EQTN: variants seen among roughly 807,000 people sequenced by gnomAD.
EQTN encodes the protein equatorin, also known as Acrosome formation associated factor.
A neutral mutation model predicts 26.9 loss-of-function variants in EQTN; 29 were observed. The ratio of observed to expected loss-of-function variants is 1.08; its 90% CI spans 0.80 to 1.47. The LOEUF (loss-of-function observed/expected upper bound fraction) is 1.47, where lower values mean the gene tolerates loss of function less well. Among genes scored for constraint, EQTN ranks in the 40% most tolerant of loss-of-function variants. The probability of loss-of-function intolerance (pLI) is 0.00; values close to 1 mark genes in which losing one functional copy is unlikely to be tolerated. For missense variants in EQTN, 391 were observed against 346.1 expected (o/e 1.13, Z -1.03); for synonymous variants, 129 against 120.0 (o/e 1.07, Z -0.49).
chr9:27,296,557 T>C, intron 2 of EQTN, 56 bp downstream of exon 2: 1 of 1,252,192 alleles, frequency 8.0e-7, no homozygotes, highest in South Asian at 1.5e-5. Flanking sequence ...GACACTTAAG[T>C]GAAACCAGGA....
At chr9:27,285,953 A>G (rs1183184604) in intron 7 of EQTN, among the ~76,000 whole-genome samples, 2 of 152,236 alleles carry the variant, frequency 1.3e-5, no homozygotes, top group Non-Finnish European at 2.9e-5. Flanking sequence ...AAAAAAGAGC[A>G]TATCTAGATT....
At chr9:27,292,796 T>C (rs1820264360) in intron 3 of EQTN, among the ~76,000 whole-genome samples, 1 of 152,180 alleles carries the variant, frequency 6.6e-6, no homozygotes, top group Non-Finnish European at 1.5e-5. Flanking sequence ...GAGAAGATAA[T>C]TGGCTCCAGA....
Position 27,289,080 on chromosome 9 carries a change from G to A in EQTN, c.481+592C>T, listed in dbSNP as rs137909832. Among the ~76,000 whole-genome samples, 996 of 152,268 alleles carry A rather than the reference G, an allele frequency of 6.5e-3. 11 individuals are homozygous for A. Among genetic ancestry groups the A allele is most frequent in the African/African-American group, 0.023 (966 of 41,552 alleles). On this transcript the variant is annotated intron_variant, in intron 6 of 7. Coordinates refer to ENST00000380032, the MANE Select transcript of EQTN (RefSeq NM_020641.3). ...AAGGTACCACATCATGCAAGACATA[G>A]GGGAAACTGAGGAGGGTGAAATATG... is the stretch of plus-strand genomic sequence containing the variant.
At chr9:27,289,628 G>C (rs893823672) in intron 6 of EQTN, 44 bp downstream of exon 6, 6 of 1,522,796 alleles carry the variant, frequency 3.9e-6, no homozygotes, top group African/African-American at 1.4e-5. Context: ...GGGATTATAG[G>C]CATTAGCCAC....
At position 27,289,843 on chromosome 9, in the gene EQTN, C is replaced by T. The variant is rs981327242; in HGVS notation, c.422-112G>A. ...ACCCAGTGTGTGTACAGTCTGTTCT[C>T]ATTATTCGTGGCAGTTATATTCTAT... On this transcript the variant is annotated intron_variant, in intron 5 of 7. Coordinates refer to ENST00000380032, the MANE Select transcript of EQTN (RefSeq NM_020641.3). 4.3e-6 allele frequency: 3 copies of T among 692,056 alleles called. No homozygotes were observed. The African/African-American group carries it at 5.5e-5, about 13-fold the overall frequency. The allele number at this position is 692,056 out of a possible 1,614,324, so 42.9% of individuals were successfully genotyped here. A position where few individuals can be genotyped will look rare whatever the true frequency, so the allele number is the denominator to read the frequency against.
intron 1 of EQTN, 33 bp from the exon 2 acceptor site, chr9:27,296,771 A>C (rs373771012): frequency 1.6e-4 from 253 of 1,587,268 alleles, no homozygotes; most frequent in Non-Finnish European, 2.0e-4. Context: ...ATAGATCAGA[A>C]ATATGTTGAT....
intron 4 of EQTN, 51 bp downstream of exon 4, chr9:27,292,350 G>T: frequency 7.9e-7 from 1 of 1,263,240 alleles, no homozygotes; most frequent in Non-Finnish European, 1.1e-6. Flanking sequence ...AAATTTTTAA[G>T]TCACATAATG....
chr9:27,293,034 G>A (rs1820268922), intron 3 of EQTN, among the ~76,000 whole-genome samples: 1 of 152,148 alleles, frequency 6.6e-6, no homozygotes. Context: ...CTAAGGGAGT[G>A]TTTGGTAACA....
rs1292762952 is a variant in EQTN, at chr9:27,285,246, C to T, written c.636-274G>A. 5.6e-5 allele frequency among the ~76,000 whole-genome samples: 8 copies of T among 143,230 alleles called. No homozygotes were observed. The East Asian group carries it at 6.5e-4, about 12-fold the overall frequency. The allele number at this position is 143,230 out of a possible 152,430, so 94.0% of individuals were successfully genotyped here. On this transcript the variant is annotated intron_variant, in intron 7 of 7. Transcript: ENST00000380032. The stretch of plus-strand genomic sequence containing the variant: ...GCAACCTCCGCCTCCCAGGGGCACG[C>T]GATTCTCCTGCCTCAGCCTCCCGAG...
In EQTN at chr9:27,284,902, C is replaced by T. The variant is rs367764918; in HGVS notation, c.706G>A (p.Glu236Lys). ...GAAAAGGATGTATCTGAAACACCTT[C>T]TGATGGATGAAAGTAAGACATCGTG... is the stretch of plus-strand genomic sequence containing the variant. ...LATMSYFHPSEGVSDTSFSKS... is the reference protein window; with the variant it reads ...LATMSYFHPSKGVSDTSFSKS... The change falls in exon 8 of 8, where the codon GAA becomes AAA. Residue 236 changes from glutamate to lysine, a missense_variant. Transcript: ENST00000380032. The T allele has an allele frequency of 3.1e-6, 5 of 1,614,026 alleles. No individual in the cohort carries two copies. The highest frequency in any genetic ancestry group is 4.2e-6 in the Non-Finnish European group (5 of 1,180,016).
rs1318428232 is a variant in EQTN, at chr9:27,294,352, TCA to T, written c.251_252del (p.Val84GlufsTer5). The T allele has an allele frequency of 6.2e-7, 1 of 1,611,576 alleles. No homozygotes were observed. Among genetic ancestry groups the T allele is most frequent in the Non-Finnish European group, 8.5e-7 (1 of 1,178,400 alleles). ...NPNGTESEISVRATTDLNFAL... is the reference protein window; with the variant it reads ...NPNGTESEISXRATTDLNFAL... ...GCAAAATTCAGGTCAGTTGTGGCTC[TCA>T]CAGATATTTCAGACTCAGTGCCATT... On this transcript the variant is annotated frameshift_variant, in exon 3 of 8. Transcript: ENST00000380032. LOFTEE classifies it high-confidence loss of function.
At chr9:27,289,785 G>T in intron 5 of EQTN, 54 bp from the exon 6 acceptor site, 1 of 1,424,960 alleles carries the variant, frequency 7.0e-7, no homozygotes, top group African/African-American at 1.4e-5. Flanking sequence ...TAAAATTATT[G>T]CCTGTGTATG....
chr9:27,290,645 C>G (rs140722912), intron 5 of EQTN, among the ~76,000 whole-genome samples: 2 of 152,182 alleles, frequency 1.3e-5, no homozygotes, highest in Non-Finnish European at 2.9e-5. Context: ...ATTTATGAGA[C>G]ACACTTTTAT....
intron 2 of EQTN, 147 bp from the exon 3 acceptor site, chr9:27,294,549 TAAGA>T: frequency 2.3e-6 from 1 of 428,950 alleles, no homozygotes; most frequent in Non-Finnish European, 4.1e-6. Context: ...ATCTACAAAA[TAAGA>T]AAGTGGGGCA....
intron 6 of EQTN, 86 bp downstream of exon 6, chr9:27,289,586 G>A (rs1166762269): frequency 7.9e-6 from 9 of 1,134,120 alleles, no homozygotes; most frequent in Non-Finnish European, 1.1e-5. Context: ...CTGGACTCAA[G>A]CGATCCACCT....
chr9:27,285,919 A>C (rs1369608506), intron 7 of EQTN, among the ~76,000 whole-genome samples: 1 of 152,186 alleles, frequency 6.6e-6, no homozygotes, highest in Non-Finnish European at 1.5e-5. Flanking sequence ...TTCAGAACAA[A>C]ATATATTTGC....
rs576557063 is a variant in EQTN, at chr9:27,297,083, A to T, written c.-28T>A. The T allele has an allele frequency of 1.3e-6, 2 of 1,525,636 alleles. No individual in the cohort carries two copies. Among genetic ancestry groups the T allele is most frequent in the African/African-American group, 2.8e-5 (2 of 72,332 alleles). 94.5% of individuals were successfully genotyped at this position (1,525,636 alleles called of 1,614,324 possible). A position where few individuals can be genotyped will look rare whatever the true frequency, so the allele number is the denominator to read the frequency against. On this transcript the variant is annotated 5_prime_UTR_variant, in exon 1 of 8. Coordinates refer to ENST00000380032, the MANE Select transcript of EQTN (RefSeq NM_020641.3). ...GGAAATTGAAGTGATTTATCCAGTA[A>T]TCTAGTGCGTCTACCCAGAGCCTCC...
chr9:27,297,105 C>G lies in EQTN; in HGVS notation c.-50G>C. On this transcript the variant is annotated 5_prime_UTR_variant, in exon 1 of 8. Transcript: ENST00000380032. ...GTAATCTAGTGCGTCTACCCAGAGCCTCCTTTCTGTGGCCCAGCAGGTCCT... is the reference window on the plus strand; with the variant it reads ...GTAATCTAGTGCGTCTACCCAGAGCGTCCTTTCTGTGGCCCAGCAGGTCCT... 7.4e-7 allele frequency: 1 copy of G among 1,358,002 alleles called. No individual in the cohort carries two copies. The highest frequency in any genetic ancestry group is 1.0e-6 in the Non-Finnish European group (1 of 969,444). 84.1% of individuals were successfully genotyped at this position (1,358,002 alleles called of 1,614,324 possible). A position where few individuals can be genotyped will look rare whatever the true frequency, so the allele number is the denominator to read the frequency against.
At position 27,294,342 on chromosome 9, in the gene EQTN, G is replaced by A. The variant is rs750193666; in HGVS notation, c.263C>T (p.Thr88Ile). ...GTTTTTTAGAGCAAAATTCAGGTCA[G>A]TTGTGGCTCTCACAGATATTTCAGA... Reference protein sequence around the residue: ...TESEISVRATTDLNFALKNDK... With the variant: ...TESEISVRATIDLNFALKNDK... The change falls in exon 3 of 8, where the codon ACT (threonine) becomes ATT (isoleucine). Residue 88 changes from threonine (T) to isoleucine (I), a missense_variant. By Grantham distance (89) the Thr-to-Ile change is moderately conservative (BLOSUM62 -1). Coordinates refer to ENST00000380032, the MANE Select transcript of EQTN (RefSeq NM_020641.3). 3.7e-6 allele frequency: 6 copies of A among 1,610,054 alleles called. No individual in the cohort carries two copies. The highest frequency in any genetic ancestry group is 4.2e-6 in the Non-Finnish European group (5 of 1,177,492).
Sources: allele counts gnomAD v4.1 joint callset (sites outside exome capture counted in the v4.1 genomes callset), GRCh38; gene constraint gnomAD v4.1.1; transcripts MANE v1.5; gene names NCBI Gene and HGNC (gene_info 2026-07-23, HGNC 2026-07-21).